GABRB1: variants seen among roughly 807,000 people sequenced by gnomAD.
GABRB1 encodes gamma-aminobutyric acid receptor subunit beta-1.
Under a neutral mutation model 51.6 loss-of-function variants are expected in GABRB1, and 17 were observed. The observed-to-expected ratio is 0.33, with a 90% CI of 0.23 to 0.49. The LOEUF is 0.49. Among genes scored for constraint, GABRB1 ranks in the 20% least tolerant of loss-of-function variants. The pLI is 0.99. For synonymous variants in GABRB1, 247 were observed against 218.9 expected (o/e 1.13, Z -1.14); for missense variants, 410 against 600.6 (o/e 0.68, Z 3.32).
At chr4:47,152,624 G>C (rs1717509570) in intron 3 of GABRB1, among the ~76,000 whole-genome samples, 1 of 151,806 alleles carries the variant, frequency 6.6e-6, no homozygotes, top group Non-Finnish European at 1.5e-5. Context: ...CCTATATTCT[G>C]ACCCATAACT....
chr4:47,189,672 T>C (rs561731665), intron 4 of GABRB1, among the ~76,000 whole-genome samples: 3 of 151,918 alleles, frequency 2.0e-5, no homozygotes, highest in Non-Finnish European at 4.4e-5. Flanking sequence ...ACAGAGGTTT[T>C]GTTGAAGAGC....
At chr4:47,158,442 A>G (rs1056565205) in intron 3 of GABRB1, among the ~76,000 whole-genome samples, 6 of 152,066 alleles carry the variant, frequency 3.9e-5, no homozygotes, top group African/African-American at 1.4e-4. Context: ...ATAGTCCCTT[A>G]TAGTTTATAA....
At chr4:47,039,883 T>C (rs1219772276) in intron 3 of GABRB1, among the ~76,000 whole-genome samples, 1 of 152,188 alleles carries the variant, frequency 6.6e-6, no homozygotes, top group Non-Finnish European at 1.5e-5. Flanking sequence ...TGTAGGACAA[T>C]GTCATTGAAT....
At chr4:47,089,887 A>T (rs1728224120) in intron 3 of GABRB1, among the ~76,000 whole-genome samples, 2 of 152,294 alleles carry the variant, frequency 1.3e-5, no homozygotes, top group African/African-American at 4.8e-5. Context: ...TAGGCCTTTT[A>T]AACCATAATA....
intron 4 of GABRB1, among the ~76,000 whole-genome samples, chr4:47,314,700 C>T (rs1031602307): frequency 1.3e-5 from 2 of 151,962 alleles, no homozygotes; most frequent in Non-Finnish European, 2.9e-5. Context: ...GGGGAAAGGA[C>T]TCTCTATACA....
intron 5 of GABRB1, among the ~76,000 whole-genome samples, chr4:47,380,052 T>C (rs1387605235): frequency 6.6e-6 from 1 of 150,582 alleles, no homozygotes; most frequent in Non-Finnish European, 1.5e-5. Flanking sequence ...CAAGGGAACA[T>C]GGATGCTTTT....
At chr4:47,147,454 T>C (rs1717221423) in intron 3 of GABRB1, among the ~76,000 whole-genome samples, 1 of 152,074 alleles carries the variant, frequency 6.6e-6, no homozygotes, top group Non-Finnish European at 1.5e-5. Context: ...ATTCAGCAAA[T>C]AGTAGTTTGG....
chr4:47,186,115 G>A lies in GABRB1; in HGVS notation c.461+24646G>A, dbSNP rs147625596. Among the ~76,000 whole-genome samples, 86 of 151,232 alleles carry A rather than the reference G, an allele frequency of 5.7e-4. 1 individual carries two copies. The highest frequency in any genetic ancestry group is 2.5e-3 in the East Asian group (13 of 5,134). On this transcript the variant is annotated intron_variant, in intron 4 of 8. Transcript: ENST00000295454. ...ATACTGCATACATCCATAATATTGCGCTGACACTGAGCATGTCTCTCAAAG... is the reference window on the plus strand; with the variant it reads ...ATACTGCATACATCCATAATATTGCACTGACACTGAGCATGTCTCTCAAAG...
At chr4:47,390,408 C>T (rs945878926) in intron 5 of GABRB1, among the ~76,000 whole-genome samples, 2 of 152,218 alleles carry the variant, frequency 1.3e-5, no homozygotes, top group Non-Finnish European at 2.9e-5. Flanking sequence ...ATCCCCCTAG[C>T]TCTATTAAGC....
At chr4:47,349,417 C>G (rs1173782704) in intron 5 of GABRB1, among the ~76,000 whole-genome samples, 1 of 152,194 alleles carries the variant, frequency 6.6e-6, no homozygotes, top group East Asian at 1.9e-4. Context: ...TAGTACCTCC[C>G]TTACCCATGG....
In GABRB1 at chr4:47,052,758, T is replaced by C. The variant is rs527422705; in HGVS notation, c.240+20274T>C. ...CTCATTTTCCTCCCCGACTGTAGCA[T>C]TATGCATCTTCCTGTCAATGTATCC... On this transcript the variant is annotated intron_variant, in intron 3 of 8. Transcript: ENST00000295454. Among the ~76,000 whole-genome samples, 7 of 152,306 alleles carry C rather than the reference T, an allele frequency of 4.6e-5. No homozygotes were observed. The South Asian group carries it at 1.4e-3, about 32-fold the overall frequency.
At chr4:47,071,813 T>G (rs968274361) in intron 3 of GABRB1, among the ~76,000 whole-genome samples, 1 of 152,106 alleles carries the variant, frequency 6.6e-6, no homozygotes, top group African/African-American at 2.4e-5. Context: ...CCATTGTTTA[T>G]AATTCTTAAC....
At chr4:47,366,507 C>T (rs1726984697) in intron 5 of GABRB1, among the ~76,000 whole-genome samples, 1 of 152,174 alleles carries the variant, frequency 6.6e-6, no homozygotes, top group South Asian at 2.1e-4. Flanking sequence ...TCAGTTGCTA[C>T]TCATTGTCCA....
At chr4:47,007,763 G>A (rs1228953943) in intron 1 of GABRB1, among the ~76,000 whole-genome samples, 1 of 151,640 alleles carries the variant, frequency 6.6e-6, no homozygotes, top group Non-Finnish European at 1.5e-5. Context: ...TGGGGCAAGA[G>A]GCCGGATAGG....
intron 3 of GABRB1, among the ~76,000 whole-genome samples, chr4:47,113,999 A>G (rs1388092098): frequency 6.6e-6 from 1 of 152,200 alleles, no homozygotes; most frequent in Non-Finnish European, 1.5e-5. Context: ...CGGCAATTTA[A>G]GTCTGACAGG....
intron 4 of GABRB1, among the ~76,000 whole-genome samples, chr4:47,239,054 T>C (rs554126192): frequency 6.6e-6 from 1 of 152,342 alleles, no homozygotes; most frequent in East Asian, 1.9e-4. Flanking sequence ...TTTGTTCTTT[T>C]ATGATGTATT....
chr4:47,194,217 T>C (rs1379160630), intron 4 of GABRB1, among the ~76,000 whole-genome samples: 1 of 152,222 alleles, frequency 6.6e-6, no homozygotes, highest in Non-Finnish European at 1.5e-5. Context: ...TTTTGTCAGA[T>C]GGTCTCATTG....
chr4:47,000,859 G>C (rs536431788), intron 1 of GABRB1, among the ~76,000 whole-genome samples: 1 of 152,314 alleles, frequency 6.6e-6, no homozygotes, highest in South Asian at 2.1e-4. Flanking sequence ...AACCTTGAAA[G>C]TCACAGAGCA....
At chr4:47,030,587 T>A (rs1158843712), upstream of GABRB1, among the ~76,000 whole-genome samples, 1 of 152,208 alleles carries the variant, frequency 6.6e-6, no homozygotes, top group Non-Finnish European at 1.5e-5. Context: ...ATTTAATATA[T>A]ACTATTTAAC....
Sources: allele counts gnomAD v4.1 joint callset (sites outside exome capture counted in the v4.1 genomes callset), GRCh38; gene constraint gnomAD v4.1.1; transcripts MANE v1.5; gene names NCBI Gene and HGNC (gene_info 2026-07-23, HGNC 2026-07-21).